The following MAP3K5 variants were observed in gnomAD, a reference collection of about 807,000 sequenced individuals.
MAP3K5 encodes ASK-1.
In MAP3K5, 56 loss-of-function variants were observed where a neutral mutation model predicts 158.7. The observed-to-expected ratio is 0.35, with a 90% confidence interval of 0.28 to 0.44. MAP3K5 has a LOEUF of 0.44. Among genes scored for constraint, MAP3K5 ranks in the 20% least tolerant of loss-of-function variants. MAP3K5 has a pLI of 1.00. For missense variants in MAP3K5, 1,294 were observed against 1,674.8 expected, an observed-to-expected ratio of 0.77 and a Z score of 3.97; for synonymous variants, 579 against 601.7, an observed-to-expected ratio of 0.96 and a Z score of 0.55.
chr6:136,697,418 T>C (rs772597856), intron 4 of MAP3K5, 31 bp from the exon 5 acceptor site: 4 of 1,540,816 alleles, frequency 2.6e-6, no homozygotes, highest in Admixed American at 2.0e-5. Context: ...TCAAAGAGTT[T>C]GACATTAGAA....
chr6:136,667,403 C>T (rs1195259875), intron 8 of MAP3K5, among the ~76,000 whole-genome samples: 2 of 152,028 alleles, frequency 1.3e-5, no homozygotes, highest in Non-Finnish European at 2.9e-5. Context: ...TGTACCTTCT[C>T]CGATTTCACT....
intron 1 of MAP3K5, among the ~76,000 whole-genome samples, chr6:136,742,544 A>G (rs1462813912): frequency 3.3e-5 from 5 of 152,182 alleles, no homozygotes; most frequent in Non-Finnish European, 7.3e-5. Flanking sequence ...AAAACTATAA[A>G]ACTCCTGGAA....
At chr6:136,690,719 T>C (rs948414206) in intron 7 of MAP3K5, among the ~76,000 whole-genome samples, 4 of 152,212 alleles carry the variant, frequency 2.6e-5, no homozygotes, top group African/African-American at 7.2e-5. Context: ...ACATATCCTA[T>C]ATTGGTTACA....
chr6:136,695,827 T>C (rs552311242), intron 6 of MAP3K5, 124 bp downstream of exon 6: 20 of 531,330 alleles, frequency 3.8e-5, no homozygotes, highest in African/African-American at 3.3e-4. Context: ...CTGAAGCAGA[T>C]ATGCTAATAT....
At chr6:136,751,239 T>G (rs774831964) in intron 1 of MAP3K5, among the ~76,000 whole-genome samples, 3 of 152,006 alleles carry the variant, frequency 2.0e-5, no homozygotes, top group Non-Finnish European at 4.4e-5. Flanking sequence ...CCACACATGT[T>G]AAGTGTTTAT....
In MAP3K5 at chr6:136,713,647, A is replaced by G. The variant is rs138810673; in HGVS notation, c.588+6803T>C. 2.9e-3 allele frequency among the ~76,000 whole-genome samples: 449 copies of G among 152,298 alleles called. 5 individuals carry two copies. Among genetic ancestry groups the G allele is most frequent in the African/African-American group, 0.01 (425 of 41,564 alleles). On this transcript the variant is annotated intron_variant, in intron 2 of 29. Coordinates refer to ENST00000359015, the MANE Select transcript of MAP3K5 (RefSeq NM_005923.4). The stretch of plus-strand genomic sequence containing the variant: ...CACAAATTACCTCTTTCCTTCCCCA[A>G]TTTGAGATGGAATGATTATAGCTTA...
intron 25 of MAP3K5, among the ~76,000 whole-genome samples, chr6:136,570,003 C>A (rs1466050202): frequency 1.3e-5 from 2 of 152,120 alleles, no homozygotes; most frequent in Non-Finnish European, 2.9e-5. Flanking sequence ...AAAAACTCTC[C>A]CCAGAAGAAA....
chr6:136,659,436 G>T, intron 8 of MAP3K5, 58 bp from the exon 9 acceptor site: 1 of 1,491,204 alleles, frequency 6.7e-7, no homozygotes, highest in Non-Finnish European at 9.2e-7. Context: ...GTAGAACCAG[G>T]TTTTCACTAA....
chr6:136,569,680 C>A (rs9402824), intron 25 of MAP3K5, among the ~76,000 whole-genome samples: 29,544 of 152,064 alleles, frequency 0.19, 3,303 homozygotes, highest in East Asian at 0.37. Context: ...CCAAGCTATA[C>A]CCCAACTGCC....
chr6:136,706,496 C>A (rs547574981), intron 2 of MAP3K5, among the ~76,000 whole-genome samples: 1 of 152,140 alleles, frequency 6.6e-6, no homozygotes, highest in African/African-American at 2.4e-5. Context: ...GTTGGGGAAT[C>A]ATCATTTAGA....
At chr6:136,677,185 T>C (rs547987874) in intron 7 of MAP3K5, among the ~76,000 whole-genome samples, 1 of 143,750 alleles carries the variant, frequency 7.0e-6, no homozygotes, top group Admixed American at 7.1e-5. Context: ...TTGCTCAGGC[T>C]GGAGTGTAGT....
rs1046481697 is a variant in MAP3K5, at chr6:136,713,267, T to C, written c.588+7183A>G. On this transcript the variant is annotated intron_variant, in intron 2 of 29. Coordinates refer to ENST00000359015, the MANE Select transcript of MAP3K5 (RefSeq NM_005923.4). ...CCAGAGTCACTACAAATGAGAAAAA[T>C]AGCTGGTGCCCACAGTCATATAATG... Among the ~76,000 whole-genome samples the C allele has an allele frequency of 7.2e-5, 11 of 152,118 alleles. No homozygotes were observed. The South Asian group carries it at 1.2e-3, about 17-fold the overall frequency.
At chr6:136,690,206 C>T (rs1316365900) in intron 7 of MAP3K5, among the ~76,000 whole-genome samples, 4 of 152,126 alleles carry the variant, frequency 2.6e-5, no homozygotes, top group Non-Finnish European at 5.9e-5. Context: ...GATGCCCATC[C>T]GTGCATCTAT....
At chr6:136,560,244 G>C (rs1373599524) in intron 28 of MAP3K5, among the ~76,000 whole-genome samples, 1 of 152,158 alleles carries the variant, frequency 6.6e-6, no homozygotes, top group Non-Finnish European at 1.5e-5. Context: ...ACTTTGGGAG[G>C]CTGAGGTGGG....
At chr6:136,583,782 G>C (rs1320888057) in intron 23 of MAP3K5, 42 bp from the exon 24 acceptor site, 2 of 1,563,930 alleles carry the variant, frequency 1.3e-6, no homozygotes, top group Non-Finnish European at 1.8e-6. Context: ...ACATATGCTG[G>C]ATATACCTGC....
intron 1 of MAP3K5, among the ~76,000 whole-genome samples, chr6:136,723,627 T>A (rs1781836515): frequency 6.6e-6 from 1 of 152,238 alleles, no homozygotes; most frequent in Non-Finnish European, 1.5e-5. Flanking sequence ...AAGACCTGTG[T>A]GATGGAATAT....
At chr6:136,720,176 A>G (rs1311333739) in intron 2 of MAP3K5, among the ~76,000 whole-genome samples, 1 of 152,136 alleles carries the variant, frequency 6.6e-6, no homozygotes, top group African/African-American at 2.4e-5. Flanking sequence ...TCCCTTCTCC[A>G]CGTCGGCGCT....
intron 1 of MAP3K5, among the ~76,000 whole-genome samples, chr6:136,721,499 G>A (rs182905399): frequency 2.6e-5 from 4 of 152,154 alleles, no homozygotes; most frequent in African/African-American, 9.6e-5. Flanking sequence ...ATCAAAATTT[G>A]ACAATGTCAC....
chr6:136,694,647 C>G (rs1780525401), intron 6 of MAP3K5, among the ~76,000 whole-genome samples: 1 of 152,162 alleles, frequency 6.6e-6, no homozygotes, highest in South Asian at 2.1e-4. Context: ...TAGTCTGTGT[C>G]TTTGAATAGG....
Sources: gnomAD v4.1 joint callset for allele counts (sites outside exome capture counted in the v4.1 genomes callset) on GRCh38, gnomAD v4.1.1 for gene constraint, MANE v1.5 for transcripts, NCBI Gene and HGNC (gene_info 2026-07-23, HGNC 2026-07-21) for gene names.